Variants in LRRFIP1 observed in about 807,000 individuals in gnomAD.
The protein encoded by LRRFIP1 is leucine-rich repeat flightless-interacting protein 1.
LRRFIP1 carries 62 observed loss-of-function variants against 104.4 expected under a neutral mutation model. That is an observed-to-expected ratio of 0.59 (90% CI 0.48 to 0.73). The LOEUF (loss-of-function observed/expected upper bound fraction) is 0.73. LRRFIP1 is among the 30% of genes least tolerant of loss of function. The pLI is 0.00. For synonymous variants in LRRFIP1, 300 were observed against 299.0 expected (o/e 1.00, Z -0.03); for missense variants, 796 against 824.5 (o/e 0.97, Z 0.42).
At chr2:237,725,935 C>T (rs1015865189) in intron 7 of LRRFIP1, among the ~76,000 whole-genome samples, 1 of 152,214 alleles carries the variant, frequency 6.6e-6, no homozygotes, top group Admixed American at 6.5e-5. Flanking sequence ...ATTTCTCTTC[C>T]TCATTTGTTA....
At chr2:237,708,428 T>G in intron 1 of LRRFIP1, 116 bp from the exon 2 acceptor site, 1 of 692,662 alleles carries the variant, frequency 1.4e-6, no homozygotes, top group Non-Finnish European at 2.4e-6. Context: ...TGGAATTTAT[T>G]GCTGTATATC....
chr2:237,774,244 C>A, intron 22 of LRRFIP1, 114 bp from the exon 23 acceptor site: 1 of 668,300 alleles, frequency 1.5e-6, no homozygotes. Flanking sequence ...TAAGTATTTA[C>A]ATGGTGTATT....
chr2:237,772,431 T>C, intron 21 of LRRFIP1: 1 of 498,512 alleles, frequency 2.0e-6, no homozygotes, highest in Non-Finnish European at 3.6e-6. Flanking sequence ...TACCACCACA[T>C]GTTGTGCCGA....
At chr2:237,765,435 TAAAAAAA>T (rs60482580) in intron 19 of LRRFIP1, 27 of 453,642 alleles carry the variant, frequency 6.0e-5, no homozygotes, top group African/African-American at 4.5e-4. Context: ...ACACTGTCTC[TAAAAAAA>T]AAAAAAAAAA....
intron 17 of LRRFIP1, 150 bp downstream of exon 17, chr2:237,757,698 A>G (rs1366804501): frequency 4.5e-6 from 3 of 666,948 alleles, no homozygotes; most frequent in Non-Finnish European, 8.0e-6. Flanking sequence ...ATTTAATTTT[A>G]TTAAGTAGTG....
chr2:237,677,907 A>G (rs916694849), intron 1 of LRRFIP1, among the ~76,000 whole-genome samples: 1 of 152,188 alleles, frequency 6.6e-6, no homozygotes, highest in African/African-American at 2.4e-5. Context: ...TAGGGCATAT[A>G]TTTTAAATAA....
chr2:237,718,748 A>G (rs565524023), intron 4 of LRRFIP1, among the ~76,000 whole-genome samples: 1 of 152,344 alleles, frequency 6.6e-6, no homozygotes, highest in South Asian at 2.1e-4. Context: ...ATTTCCTAAC[A>G]TCTTACGTAC....
chr2:237,719,464 A>T lies in LRRFIP1; in HGVS notation c.250-59A>T, dbSNP rs56383116. The stretch of plus-strand genomic sequence containing the variant: ...CAGTGGGACTACCTAAGCTTTTTTA[A>T]AGCACTTTTCCTGTGTCCATCTGTC... On this transcript the variant is annotated intron_variant, in intron 4 of 23. Coordinates refer to ENST00000308482, the MANE Select transcript of LRRFIP1 (RefSeq NM_001137550.2). 14,488 of 1,297,550 alleles carry T rather than the reference A, an allele frequency of 0.011. 996 individuals carry two copies. The African/African-American group carries it at 0.16, about 15-fold the overall frequency. 80.4% of individuals were successfully genotyped at this position (1,297,550 alleles called of 1,614,324 possible).
chr2:237,741,927 C>T (rs2057143982), intron 11 of LRRFIP1, among the ~76,000 whole-genome samples: 1 of 152,142 alleles, frequency 6.6e-6, no homozygotes, highest in Admixed American at 6.6e-5. Context: ...ATCCCAAACA[C>T]GCTTAATGCC....
intron 1 of LRRFIP1, among the ~76,000 whole-genome samples, chr2:237,678,056 C>T (rs1462240148): frequency 2.0e-5 from 3 of 152,138 alleles, no homozygotes; most frequent in Admixed American, 1.3e-4. Context: ...GGGAGGGTCT[C>T]TTTGCCAAAA....
At chr2:237,702,577 G>C (rs777356379) in intron 1 of LRRFIP1, among the ~76,000 whole-genome samples, 1 of 152,214 alleles carries the variant, frequency 6.6e-6, no homozygotes, top group Non-Finnish European at 1.5e-5. Context: ...TGGGGGCAGC[G>C]CTGCAAAACC....
At chr2:237,670,904 C>T (rs939728763) in intron 1 of LRRFIP1, among the ~76,000 whole-genome samples, 3 of 152,206 alleles carry the variant, frequency 2.0e-5, no homozygotes, top group East Asian at 1.9e-4. Flanking sequence ...TCTCCTCCTC[C>T]CTCTCCTCCT....
At chr2:237,736,399 A>G (rs1474597658) in intron 10 of LRRFIP1, among the ~76,000 whole-genome samples, 5 of 152,358 alleles carry the variant, frequency 3.3e-5, no homozygotes, top group East Asian at 3.8e-4. Context: ...TGCATGAAGA[A>G]TGAAATAGCC....
intron 1 of LRRFIP1, among the ~76,000 whole-genome samples, chr2:237,676,818 A>C (rs2091220198): frequency 6.6e-6 from 1 of 152,120 alleles, no homozygotes; most frequent in Admixed American, 6.5e-5. Context: ...GATGGTTTTA[A>C]AACAGAGATG....
intron 1 of LRRFIP1, among the ~76,000 whole-genome samples, chr2:237,664,057 G>A (rs1203662733): frequency 2.0e-5 from 3 of 151,882 alleles, no homozygotes; most frequent in Non-Finnish European, 4.4e-5. Flanking sequence ...GGGGGCAGAG[G>A]GGAAACAGCC....
At position 237,760,205 on chromosome 2, in the gene LRRFIP1, G is replaced by C. The variant is rs568927595; in HGVS notation, c.1459G>C (p.Asp487His). ...ALKSTGDGTL[D>H]IRLKKLVDER... ...CAAGTCGACAGGGGATGGGACCCTAGGTAAGTATTTGCTTTCCTTCGGCTC... is the reference window on the plus strand; with the variant it reads ...CAAGTCGACAGGGGATGGGACCCTACGTAAGTATTTGCTTTCCTTCGGCTC... Residue 487 changes from aspartate to histidine, a missense_variant and splice_region_variant, in exon 19 of 24, where the codon GAT (aspartate) becomes CAT (histidine). By Grantham distance (81) the Asp-to-His change is moderately conservative (BLOSUM62 -1). Coordinates refer to ENST00000308482, the MANE Select transcript of LRRFIP1 (RefSeq NM_001137550.2). 3.1e-6 allele frequency: 5 copies of C among 1,613,954 alleles called. No homozygotes were observed. Among genetic ancestry groups the C allele is most frequent in the East Asian group, 4.5e-5 (2 of 44,872 alleles).
intron 11 of LRRFIP1, among the ~76,000 whole-genome samples, chr2:237,746,340 G>T (rs11677469): frequency 0.032 from 4,820 of 152,214 alleles, 90 homozygotes; most frequent in Middle Eastern, 0.12. Context: ...ATTACAGACA[G>T]GAGCTACCGC....
chr2:237,702,034 A>T (rs917691145), intron 1 of LRRFIP1, among the ~76,000 whole-genome samples: 2 of 151,994 alleles, frequency 1.3e-5, no homozygotes, highest in African/African-American at 2.4e-5. Context: ...GTGCCCCCAT[A>T]GACTTGGGCT....
chr2:237,714,009 TAGC>T (rs1278738078), intron 2 of LRRFIP1, among the ~76,000 whole-genome samples: 1 of 152,248 alleles, frequency 6.6e-6, no homozygotes, highest in East Asian at 1.9e-4. Context: ...ATTAGAATAA[TAGC>T]AGTATTTTTG....
Sources: gnomAD v4.1 joint callset for allele counts (sites outside exome capture counted in the v4.1 genomes callset) on GRCh38, gnomAD v4.1.1 for gene constraint, MANE v1.5 for transcripts, NCBI Gene and HGNC (gene_info 2026-07-23, HGNC 2026-07-21) for gene names.